Variants in TTYH3 observed in about 807,000 individuals in gnomAD.
The protein encoded by TTYH3 is protein tweety homolog 3.
In TTYH3, 23 loss-of-function variants were observed where a neutral mutation model predicts 68.2. The observed-to-expected ratio is 0.34, with a 90% confidence interval of 0.24 to 0.48. The LOEUF is 0.48. TTYH3 is among the 20% of genes least tolerant of loss of function. The pLI, the probability that TTYH3 is intolerant of heterozygous loss-of-function variation, is 0.99. For missense variants in TTYH3, 768 were observed against 727.7 expected (o/e 1.06, Z -0.64); for synonymous variants, 360 against 332.8 (o/e 1.08, Z -0.89).
At chr7:2,659,093 G>A (rs1786420345) in intron 13 of TTYH3, 78 bp downstream of exon 13, 4 of 1,413,184 alleles carry the variant, frequency 2.8e-6, no homozygotes, top group Admixed American at 3.5e-5. Flanking sequence ...CGGTGGGCTG[G>A]TGTGGCATGT....
intron 5 of TTYH3, among the ~76,000 whole-genome samples, chr7:2,648,976 G>A (rs1786083739): frequency 6.6e-6 from 1 of 151,616 alleles, no homozygotes; most frequent in Non-Finnish European, 1.5e-5. Flanking sequence ...GTGGGGTGTG[G>A]GGCCTGCACT....
At chr7:2,632,421 T>C in intron 1 of TTYH3, 143 bp downstream of exon 1, 1 of 844,204 alleles carries the variant, frequency 1.2e-6, no homozygotes, top group Non-Finnish European at 1.7e-6. Flanking sequence ...TCCTCGCAGG[T>C]ACCGGCCTCC....
chr7:2,648,062 TG>T lies in TTYH3; in HGVS notation c.722+13del, dbSNP rs764902179. 24 of 1,605,840 alleles carry T rather than the reference TG, an allele frequency of 1.5e-5. 1 individual carries two copies. In the African/African-American group the frequency reaches 2.8e-4, roughly 19 times the overall value. Reference sequence around the variant, plus strand: ...CAAGGGCATCCTGGTGGGGTGAGTCTGGGGGTGTCGGCCCCCCGTGGGCCCA... The same window carrying T: ...CAAGGGCATCCTGGTGGGGTGAGTCTGGGGTGTCGGCCCCCCGTGGGCCCA... On this transcript the variant is annotated intron_variant, in intron 5 of 13. Coordinates refer to ENST00000258796, the MANE Select transcript of TTYH3 (RefSeq NM_025250.3).
At chr7:2,650,138 A>G (rs1713784888) in intron 7 of TTYH3, 150 bp downstream of exon 7, 2 of 735,554 alleles carry the variant, frequency 2.7e-6, no homozygotes, top group Non-Finnish European at 4.4e-6. Flanking sequence ...GTGAGCAAAC[A>G]GGACCACCTT....
In TTYH3 at chr7:2,634,027, C is replaced by G. The variant is rs912661614; in HGVS notation, c.123+1749C>G. Among the ~76,000 whole-genome samples the G allele has an allele frequency of 4.6e-5, 7 of 152,398 alleles. 1 individual carries two copies. In the East Asian group the frequency reaches 1.3e-3, roughly 29 times the overall value. On this transcript the variant is annotated intron_variant, in intron 1 of 13. Coordinates refer to ENST00000258796, the MANE Select transcript of TTYH3 (RefSeq NM_025250.3). ...CCTGGGAGGCCCTGGCTTCTGCCCCCTTTCCTCCCCTGCCCTGCGCTCTGC... is the reference window on the plus strand; with the variant it reads ...CCTGGGAGGCCCTGGCTTCTGCCCCGTTTCCTCCCCTGCCCTGCGCTCTGC...
Position 2,661,998 on chromosome 7 carries a change from A to G in TTYH3, c.*259A>G. 1.7e-6 allele frequency: 1 copy of G among 590,764 alleles called. No individual in the cohort carries two copies. The highest frequency in any genetic ancestry group is 3.0e-6 in the Non-Finnish European group (1 of 330,982). The allele number at this position is 590,764 out of a possible 1,614,324, so 36.6% of individuals were successfully genotyped here. A position where few individuals can be genotyped will look rare whatever the true frequency, so the allele number is the denominator to read the frequency against. ...GCCCCAGCCCTGCACGCCACCCACT[A>G]TCCCGGCACGCTCCCTCTGCAGATG... is the stretch of plus-strand genomic sequence containing the variant. On this transcript the variant is annotated 3_prime_UTR_variant, in exon 14 of 14. Coordinates refer to ENST00000258796, the MANE Select transcript of TTYH3 (RefSeq NM_025250.3).
In TTYH3 at chr7:2,656,541, G is replaced by C; in HGVS notation, c.1250+7G>C. Reference sequence around the variant, plus strand: ...ACACCTGGCAGCAAAAGAGGTGAGGGGCCCTGGGGGGTCGCAGGAGCTTGC... The same window carrying C: ...ACACCTGGCAGCAAAAGAGGTGAGGCGCCCTGGGGGGTCGCAGGAGCTTGC... On this transcript the variant is annotated splice_region_variant and intron_variant, in intron 11 of 13. Transcript: ENST00000258796. 6.3e-7 allele frequency: 1 copy of C among 1,597,350 alleles called. No individual in the cohort carries two copies. Among genetic ancestry groups the C allele is most frequent in the Non-Finnish European group, 8.5e-7 (1 of 1,174,618 alleles).
intron 1 of TTYH3, among the ~76,000 whole-genome samples, chr7:2,644,563 C>T (rs574202643): frequency 2.6e-5 from 4 of 152,330 alleles, no homozygotes; most frequent in African/African-American, 9.6e-5. Context: ...CTGGTGCCAG[C>T]CCTGGGTCCT....
intron 1 of TTYH3, among the ~76,000 whole-genome samples, chr7:2,637,614 C>T (rs974966420): frequency 5.3e-5 from 8 of 152,154 alleles, no homozygotes; most frequent in African/African-American, 9.7e-5. Context: ...GCTGAGGCCT[C>T]GGCTAGAGAA....
intron 8 of TTYH3, 35 bp from the exon 9 acceptor site, chr7:2,652,883 C>T: frequency 2.0e-6 from 3 of 1,508,972 alleles, no homozygotes; most frequent in Non-Finnish European, 2.7e-6. Flanking sequence ...GCGGACCCAG[C>T]AGCGCCCATG....
In TTYH3 at chr7:2,649,567, G is replaced by A. The variant is rs187823170; in HGVS notation, c.723G>A (p.Gly241=). Residue 241 remains glycine, a splice_region_variant and synonymous_variant, in exon 6 of 14, where the codon GGG becomes GGA. Coordinates refer to ENST00000258796, the MANE Select transcript of TTYH3 (RefSeq NM_025250.3). ...LIRSSKGILV[G]VCLLGVLALV... is the part of the protein sequence containing the mutation. ...TGCTGACTGGCTGTCTCTGCCCCAG[G>A]GTCTGCCTGCTGGGAGTCCTGGCCC... 1.9e-6 allele frequency: 3 copies of A among 1,583,782 alleles called. No homozygotes were observed. In the Admixed American group the frequency reaches 5.3e-5, roughly 28 times the overall value.
intron 13 of TTYH3, chr7:2,659,915 C>A: frequency 7.7e-7 from 1 of 1,298,838 alleles, no homozygotes; most frequent in Non-Finnish European, 1.0e-6. Flanking sequence ...CTCTCTTGCA[C>A]CCCACCCACC....
chr7:2,654,161 G>A (rs1786269396), intron 9 of TTYH3, among the ~76,000 whole-genome samples: 1 of 152,210 alleles, frequency 6.6e-6, no homozygotes, highest in Admixed American at 6.5e-5. Flanking sequence ...CTGGGGGGCT[G>A]AGGCAAGGGG....
intron 10 of TTYH3, 63 bp downstream of exon 10, chr7:2,656,247 G>C: frequency 1.3e-6 from 2 of 1,552,712 alleles, no homozygotes; most frequent in South Asian, 1.2e-5. Context: ...GGGAGCAGCT[G>C]TTCGGGAGGA....
At chr7:2,633,374 C>T (rs1214609595) in intron 1 of TTYH3, among the ~76,000 whole-genome samples, 1 of 152,118 alleles carries the variant, frequency 6.6e-6, no homozygotes, top group Non-Finnish European at 1.5e-5. Flanking sequence ...AGGAGGGAGG[C>T]GGAAGTGGAG....
At position 2,645,038 on chromosome 7, in the gene TTYH3, G is replaced by A. The variant is rs1393809234; in HGVS notation, c.124-1815G>A. On this transcript the variant is annotated intron_variant, in intron 1 of 13. Coordinates refer to ENST00000258796, the MANE Select transcript of TTYH3 (RefSeq NM_025250.3). This position sits in a 1 kb window ranked among gnomAD's most constrained non-coding sequence, Gnocchi z 4.8. ...AGCATTGAGATGTGGGGAGAGAGGC[G>A]TTTCTCTGCAGTAGTGCCAATGAGG... 6.6e-6 allele frequency among the ~76,000 whole-genome samples: 1 copy of A among 152,226 alleles called. No individual in the cohort carries two copies. Among genetic ancestry groups the A allele is most frequent in the Non-Finnish European group, 1.5e-5 (1 of 68,034 alleles).
chr7:2,657,423 TG>T (rs1233622922), intron 11 of TTYH3, among the ~76,000 whole-genome samples: 1 of 46,224 alleles, frequency 2.2e-5, no homozygotes, highest in Non-Finnish European at 3.4e-5. Context: ...GTGGTGGTGA[TG>T]GTGATGGTGA....
intron 4 of TTYH3, 21 bp from the exon 5 acceptor site, chr7:2,647,938 C>G (rs770437836): frequency 1.2e-6 from 2 of 1,603,890 alleles, no homozygotes; most frequent in African/African-American, 2.7e-5. Context: ...TGCCCTGGCG[C>G]ACTCCCAGGT....
Position 2,648,046 on chromosome 7 carries a change from C to T in TTYH3, c.714C>T (p.Ile238=). The T allele has an allele frequency of 6.2e-7, 1 of 1,609,384 alleles. No homozygotes were observed. Among genetic ancestry groups the T allele is most frequent in the Non-Finnish European group, 8.5e-7 (1 of 1,179,730 alleles). The part of the protein sequence containing the change: ...LVGLIRSSKG[I]LVGVCLLGVL... ...GCCTCATCCGCAGCTCCAAGGGCAT[C>T]CTGGTGGGGTGAGTCTGGGGGTGTC... The change falls in exon 5 of 14, where the codon ATC becomes ATT. Residue 238 remains isoleucine (I), a synonymous_variant. Coordinates refer to ENST00000258796, the MANE Select transcript of TTYH3 (RefSeq NM_025250.3).
Sources: gnomAD v4.1 joint callset for allele counts (sites outside exome capture counted in the v4.1 genomes callset) on GRCh38, gnomAD v4.1.1 for gene constraint, Gnocchi (gnomAD v3.1) non-coding constraint, MANE v1.5 for transcripts, NCBI Gene and HGNC (gene_info 2026-07-23, HGNC 2026-07-21) for gene names.